The following PHLDB2 variants were observed in gnomAD, a reference collection of about 807,000 sequenced individuals.
The protein encoded by PHLDB2 is pleckstrin homology-like domain family B member 2.
A neutral mutation model predicts 123.6 loss-of-function variants in PHLDB2; 71 were observed. That is an observed-to-expected ratio of 0.57 (90% confidence interval 0.47 to 0.70). The LOEUF is 0.70. PHLDB2 is among the 30% of genes least tolerant of loss of function. The probability of loss-of-function intolerance (pLI) is 0.00; values close to 1 mark genes in which losing one functional copy is unlikely to be tolerated. For synonymous variants in PHLDB2, 547 were observed against 541.6 expected, an observed-to-expected ratio of 1.01 and a Z score of -0.14; for missense variants, 1,446 against 1,519.5, an observed-to-expected ratio of 0.95 and a Z score of 0.80.
At chr3:111,935,627 T>A (rs1016289155) in intron 6 of PHLDB2, among the ~76,000 whole-genome samples, 1 of 152,080 alleles carries the variant, frequency 6.6e-6, no homozygotes, top group Non-Finnish European at 1.5e-5. Flanking sequence ...GGAGAGCCAG[T>A]CCAAGTCTCA....
chr3:111,913,936 C>T (rs1351692075), intron 3 of PHLDB2: 1 of 536,826 alleles, frequency 1.9e-6, no homozygotes, highest in Non-Finnish European at 3.2e-6. Flanking sequence ...AAGCACATTT[C>T]TCTTCTCCCT....
chr3:111,789,380 T>A (rs1286439275), intron 1 of PHLDB2, among the ~76,000 whole-genome samples: 1 of 152,174 alleles, frequency 6.6e-6, no homozygotes. Context: ...TCATAGTTGG[T>A]TACATAATTG....
At position 111,962,257 on chromosome 3, in the gene PHLDB2, A is replaced by C; in HGVS notation, c.3022A>C (p.Ser1008Arg). Residue 1008 changes from serine to arginine, a missense_variant, in exon 13 of 18, where the codon AGC becomes CGC. Physicochemically the swap from Ser to Arg is moderately radical, Grantham distance 110 (BLOSUM62 -1). Transcript: ENST00000431670. ...GGCCTTTGATACTCTGAGCCTCGAT[A>C]GCTCTGATAGCATGGAGACCAGCAT... ...DQAFDTLSLD[S>R]SDSMETSISA... The C allele has an allele frequency of 1.3e-6, 2 of 1,582,732 alleles. No individual in the cohort carries two copies. Among genetic ancestry groups the C allele is most frequent in the Non-Finnish European group, 1.7e-6 (2 of 1,172,072 alleles).
chr3:111,751,727 T>C (rs961240265), intron 1 of PHLDB2, among the ~76,000 whole-genome samples: 5 of 149,918 alleles, frequency 3.3e-5, no homozygotes, highest in Non-Finnish European at 5.9e-5. Context: ...TTAGGAGATA[T>C]ACCTAATGCT....
chr3:111,946,516 C>T (rs1380152525), intron 9 of PHLDB2, among the ~76,000 whole-genome samples: 1 of 152,138 alleles, frequency 6.6e-6, no homozygotes, highest in East Asian at 1.9e-4. Context: ...ATATGTGTAC[C>T]TCAGAAGCAT....
chr3:111,971,922 A>T (rs949444033), intron 16 of PHLDB2, among the ~76,000 whole-genome samples: 1 of 152,186 alleles, frequency 6.6e-6, no homozygotes, highest in Admixed American at 6.5e-5. Flanking sequence ...GGCCTAGAAA[A>T]TATGTCTGCA....
chr3:111,830,595 G>C (rs888181028), intron 1 of PHLDB2, among the ~76,000 whole-genome samples: 12 of 149,522 alleles, frequency 8.0e-5, no homozygotes, highest in Non-Finnish European at 3.0e-5. Flanking sequence ...GGATCACGAG[G>C]TCAGGAGATC....
rs572424488 is a variant in PHLDB2, at chr3:111,877,156, C to A, written c.-14-6908C>A. 3.9e-5 allele frequency among the ~76,000 whole-genome samples: 6 copies of A among 152,362 alleles called. No individual in the cohort carries two copies. In the East Asian group the frequency reaches 1.2e-3, roughly 29 times the overall value. On this transcript the variant is annotated intron_variant, in intron 1 of 17. Transcript: ENST00000431670. The stretch of plus-strand genomic sequence containing the variant: ...TGAGGAATCACCACACTGACTTCCA[C>A]AATGGTTGAACTAGTTTACACTCCC...
intron 9 of PHLDB2, 157 bp downstream of exon 9, chr3:111,945,514 T>C: frequency 1.5e-6 from 1 of 662,732 alleles, no homozygotes; most frequent in Non-Finnish European, 2.7e-6. Flanking sequence ...TTATGTATGC[T>C]TTGAGGATTT....
chr3:111,954,170 C>G, intron 12 of PHLDB2, 141 bp downstream of exon 12: 1 of 647,252 alleles, frequency 1.5e-6, no homozygotes, highest in African/African-American at 1.8e-5. Flanking sequence ...TGTTCTCTTT[C>G]GGGAGGGATA....
intron 1 of PHLDB2, among the ~76,000 whole-genome samples, chr3:111,860,670 TA>T (rs1018616492): frequency 1.3e-5 from 2 of 152,128 alleles, no homozygotes; most frequent in African/African-American, 4.8e-5. Context: ...CTTTCTTATG[TA>T]AAAGAGGGAG....
At chr3:111,875,807 A>G in intron 1 of PHLDB2, among the ~76,000 whole-genome samples, 1 of 143,934 alleles carries the variant, frequency 6.9e-6, no homozygotes, top group Admixed American at 7.1e-5. Flanking sequence ...TGGGCAACAG[A>G]GCAAGACTGT....
chr3:111,765,565 C>G (rs567083114), intron 1 of PHLDB2, among the ~76,000 whole-genome samples: 14 of 152,276 alleles, frequency 9.2e-5, no homozygotes, highest in African/African-American at 3.4e-4. Flanking sequence ...TGACTTAAAA[C>G]GGAGAGAGAA....
intron 13 of PHLDB2, among the ~76,000 whole-genome samples, chr3:111,965,213 A>G (rs2071673231): frequency 6.6e-6 from 1 of 152,250 alleles, no homozygotes; most frequent in Non-Finnish European, 1.5e-5. Context: ...AATAATGAGA[A>G]GATACTGCCA....
chr3:111,848,376 G>C (rs2064102768), intron 2 of PHLDB2, among the ~76,000 whole-genome samples: 1 of 152,172 alleles, frequency 6.6e-6, no homozygotes, highest in Admixed American at 6.5e-5. Context: ...TAGTCACTTT[G>C]ATAACTTCTG....
rs1478265926 is a variant in PHLDB2 at position 111,845,714 on chromosome 3, G to A, written c.-48-107G>A. The A allele has an allele frequency of 4.2e-5, 54 of 1,286,746 alleles. 1 individual carries two copies. The highest frequency in any genetic ancestry group is 4.7e-5 in the Non-Finnish European group (43 of 919,820). The allele number at this position is 1,286,746 out of a possible 1,614,324, so 79.7% of individuals were successfully genotyped here. ...AACTTCAGCAGTAGTTAGTTTCCCC[G>A]GATGTTAAACATCTGAGTTCAACAG... On this transcript the variant is annotated intron_variant, in intron 1 of 17. Coordinates refer to the PHLDB2 transcript ENST00000393923.
At position 111,831,064 on chromosome 3, in the gene PHLDB2, TAGAG is replaced by T. The variant is rs1301969383; in HGVS notation, c.-48-14753_-48-14750del. On this transcript the variant is annotated intron_variant, in intron 1 of 17. Coordinates refer to the PHLDB2 transcript ENST00000393923. ...AAGGAAGAAAGAGAAAAGAGAGAGA[TAGAG>T]AGAAAAGAAGGAAGAAAGAAAGGCA... 5.0e-4 allele frequency among the ~76,000 whole-genome samples: 65 copies of T among 130,462 alleles called. 1 individual carries two copies. The highest frequency in any genetic ancestry group is 3.7e-3 in the Middle Eastern group (1 of 268). 85.6% of individuals were successfully genotyped at this position (130,462 alleles called of 152,430 possible).
intron 1 of PHLDB2, among the ~76,000 whole-genome samples, chr3:111,817,409 C>G (rs1163143473): frequency 6.6e-6 from 1 of 152,088 alleles, no homozygotes; most frequent in Non-Finnish European, 1.5e-5. Context: ...GGATCCATAC[C>G]AGCTGACTTA....
Position 111,792,954 on chromosome 3 carries a change from G to A in PHLDB2, c.-48-52867G>A, listed in dbSNP as rs1001558538. On this transcript the variant is annotated intron_variant, in intron 1 of 17. Transcript: ENST00000393923. ...GGTAGGGAGACACAAGCACCCCTGT[G>A]GCCACCAACACTGGGACTACACTGA... Among the ~76,000 whole-genome samples, 6 of 152,272 alleles carry A rather than the reference G, an allele frequency of 3.9e-5. No individual in the cohort carries two copies. The East Asian group carries it at 1.2e-3, about 29-fold the overall frequency.
Sources: allele counts gnomAD v4.1 joint callset (sites outside exome capture counted in the v4.1 genomes callset), GRCh38; gene constraint gnomAD v4.1.1; transcripts MANE v1.5; gene names NCBI Gene and HGNC (gene_info 2026-07-23, HGNC 2026-07-21).